Variants in SLC12A2 observed in about 807,000 individuals in gnomAD.
The protein encoded by SLC12A2 is Na-K-2Cl cotransporter 1.
Under a neutral mutation model 136.3 loss-of-function variants are expected in SLC12A2, and 67 were observed. The observed-to-expected ratio is 0.49, with a 90% CI of 0.40 to 0.60. The LOEUF (loss-of-function observed/expected upper bound fraction) is 0.60, where lower values mean the gene tolerates loss of function less well. Among genes scored for constraint, SLC12A2 ranks in the 20% least tolerant of loss-of-function variants. The pLI is 0.00. For missense variants in SLC12A2, 1,322 were observed against 1,534.7 expected (o/e 0.86, Z 2.32); for synonymous variants, 619 against 562.9 (o/e 1.10, Z -1.41).
chr5:128,134,130 G>T, intron 5 of SLC12A2, 35 bp from the exon 6 acceptor site: 1 of 1,088,140 alleles, frequency 9.2e-7, no homozygotes, highest in Non-Finnish European at 1.4e-6. Flanking sequence ...AAAATAACTA[G>T]TATTGCTTAT....
chr5:128,099,141 A>G (rs747604162), intron 1 of SLC12A2, among the ~76,000 whole-genome samples: 9 of 152,134 alleles, frequency 5.9e-5, no homozygotes, highest in Non-Finnish European at 1.2e-4. Context: ...CTTTAGAGAA[A>G]CACATTATTA....
chr5:128,157,997 T>C (rs1762915786), intron 15 of SLC12A2, 56 bp from the exon 16 acceptor site: 19 of 1,443,838 alleles, frequency 1.3e-5, no homozygotes, highest in Non-Finnish European at 1.9e-6. Flanking sequence ...ACTTAAAATC[T>C]TGTTGCCAGA....
intron 1 of SLC12A2, among the ~76,000 whole-genome samples, chr5:128,101,302 A>C (rs1469967178): frequency 6.6e-6 from 1 of 152,148 alleles, no homozygotes; most frequent in African/African-American, 2.4e-5. Context: ...CAAAATTTGC[A>C]TATGTATGCA....
At chr5:128,116,465 G>C (rs1193577629) in intron 4 of SLC12A2, among the ~76,000 whole-genome samples, 7 of 150,614 alleles carry the variant, frequency 4.6e-5, no homozygotes, top group African/African-American at 1.7e-4. Flanking sequence ...GCAGTCTTCT[G>C]TCCTGGACTG....
intron 11 of SLC12A2, 70 bp from the exon 12 acceptor site, chr5:128,148,684 C>G: frequency 7.8e-7 from 1 of 1,282,504 alleles, no homozygotes; most frequent in South Asian, 1.5e-5. Flanking sequence ...CCTGATTAAC[C>G]TATTAGAACT....
chr5:128,169,618 C>T (rs906332722), intron 18 of SLC12A2: 2 of 152,052 alleles, frequency 1.3e-5, no homozygotes, highest in Non-Finnish European at 2.9e-5. Context: ...AGCAAAACCT[C>T]ATTGTGGCTT....
chr5:128,127,014 G>C (rs1761836107), intron 4 of SLC12A2, among the ~76,000 whole-genome samples: 1 of 109,328 alleles, frequency 9.1e-6, no homozygotes, highest in Non-Finnish European at 1.7e-5. Flanking sequence ...AGCATTTGTA[G>C]GATAAACTTC....
rs1181278834 is a variant in SLC12A2 at position 128,186,113 on chromosome 5, C to T, written c.3504-383C>T. ...TTTTCTGTATTTAGATATGCAAATGCTTACCATCGTGTTACAGTTGCCTAT... is the reference window on the plus strand; with the variant it reads ...TTTTCTGTATTTAGATATGCAAATGTTTACCATCGTGTTACAGTTGCCTAT... On this transcript the variant is annotated intron_variant, in intron 26 of 26. Transcript: ENST00000262461. Among the ~76,000 whole-genome samples, 3 of 152,040 alleles carry T rather than the reference C, an allele frequency of 2.0e-5. No individual in the cohort carries two copies. The East Asian group carries it at 5.8e-4, about 29-fold the overall frequency.
At chr5:128,138,961 C>A in intron 9 of SLC12A2, 53 bp downstream of exon 9, 1 of 1,146,652 alleles carries the variant, frequency 8.7e-7, no homozygotes. Context: ...GATGTACGTA[C>A]TATAAATACT....
chr5:128,103,150 GA>G (rs781394891), intron 1 of SLC12A2, among the ~76,000 whole-genome samples: 2 of 152,100 alleles, frequency 1.3e-5, no homozygotes, highest in African/African-American at 2.4e-5. Context: ...TTTTCAACTT[GA>G]AAATAATGCC....
intron 15 of SLC12A2, among the ~76,000 whole-genome samples, chr5:128,155,254 C>G (rs1762839615): frequency 6.6e-6 from 1 of 151,638 alleles, no homozygotes; most frequent in Non-Finnish European, 1.5e-5. Context: ...ATGGAATGTT[C>G]TATATTCTGA....
chr5:128,131,242 A>G lies in SLC12A2; in HGVS notation c.1188+36A>G, dbSNP rs368491691. The G allele has an allele frequency of 7.9e-5, 127 of 1,604,548 alleles. No homozygotes were observed. The African/African-American group carries it at 1.5e-3, about 19-fold the overall frequency. ...TTCCTTCTAGTCATTCGTTTACCAA[A>G]TCTTTATTGAGGGATTATATGCCGA... On this transcript the variant is annotated intron_variant, in intron 5 of 26. Transcript: ENST00000262461.
chr5:128,114,464 T>A, intron 3 of SLC12A2, 122 bp from the exon 4 acceptor site: 1 of 833,650 alleles, frequency 1.2e-6, no homozygotes, highest in Non-Finnish European at 1.9e-6. Flanking sequence ...TAAAATGAGA[T>A]CAAAATTGGG....
intron 5 of SLC12A2, among the ~76,000 whole-genome samples, chr5:128,133,061 G>C (rs954189257): frequency 9.2e-5 from 14 of 151,496 alleles, no homozygotes; most frequent in Non-Finnish European, 1.9e-4. Context: ...ATTTACACTA[G>C]TACCGTTTTT....
In SLC12A2 at chr5:128,158,138, T is replaced by G; in HGVS notation, c.2449T>G (p.Leu817Val). 1 of 1,613,562 alleles carries G rather than the reference T, an allele frequency of 6.2e-7. No individual in the cohort carries two copies. The highest frequency in any genetic ancestry group is 1.3e-5 in the African/African-American group (1 of 75,026). The change falls in exon 16 of 27, where the codon TTG becomes GTG. Residue 817 changes from leucine (L) to valine (V), a missense_variant. Leu to Val is a conservative substitution (Grantham distance 32, BLOSUM62 1). Around this residue, in one of 8 missense-constraint regions of SLC12A2, gnomAD observed 294 missense variants for 436.6 expected, o/e 0.67. Transcript: ENST00000262461. ...LVHDFTKNVG[L>V]MICGHVHMGP... ...TCATGATTTCACAAAAAATGTTGGT[T>G]TGATGATCTGTGGCCATGTACATAT...
intron 16 of SLC12A2, among the ~76,000 whole-genome samples, chr5:128,158,806 A>G (rs182431089): frequency 6.6e-4 from 100 of 151,094 alleles, no homozygotes; most frequent in African/African-American, 2.3e-3. Context: ...GAAGTAATTT[A>G]CATTCCCACC....
Position 128,120,916 on chromosome 5 carries a change from GTTTA to G in SLC12A2, c.1048+6241_1048+6244del, listed in dbSNP as rs144823692. On this transcript the variant is annotated intron_variant, in intron 4 of 26. Transcript: ENST00000262461. The stretch of plus-strand genomic sequence containing the variant: ...TGTTAACTAATTTGAGATAATGCCT[GTTTA>G]TTTATCTTGATTCTTAACTGAATTA... Among the ~76,000 whole-genome samples the G allele has an allele frequency of 5.3e-3, 813 of 152,054 alleles. 9 individuals are homozygous for G. The highest frequency in any genetic ancestry group is 0.036 in the East Asian group (186 of 5,180).
chr5:128,139,525 A>T (rs1460765136), intron 9 of SLC12A2, among the ~76,000 whole-genome samples: 2 of 152,188 alleles, frequency 1.3e-5, no homozygotes, highest in East Asian at 3.8e-4. Flanking sequence ...ACCAGTCTCT[A>T]ATCCTTTTCT....
chr5:128,104,648 A>AT (rs1049587820), intron 1 of SLC12A2, among the ~76,000 whole-genome samples: 168 of 141,552 alleles, frequency 1.2e-3, no homozygotes, highest in African/African-American at 2.9e-3. Context: ...AAGAAAAAAA[A>AT]ATATATATAT....
Sources: gnomAD v4.1 joint callset for allele counts (sites outside exome capture counted in the v4.1 genomes callset) on GRCh38, gnomAD v4.1.1 for gene constraint, gnomAD v4.1.1 regional missense constraint, MANE v1.5 for transcripts, NCBI Gene and HGNC (gene_info 2026-07-23, HGNC 2026-07-21) for gene names.